The following CELF2 variants were observed in gnomAD, a reference collection of about 807,000 sequenced individuals.
CELF2 encodes the protein CUGBP Elav-like family member 2, also known as CUG triplet repeat RNA-binding protein 2.
A neutral mutation model predicts 62.6 loss-of-function variants in CELF2; 8 were observed. The ratio of observed to expected loss-of-function variants is 0.13; its 90% CI spans 0.07 to 0.23. The LOEUF is 0.23. Among genes scored for constraint, CELF2 ranks in the 10% least tolerant of loss-of-function variants. The pLI, the probability that CELF2 is intolerant of heterozygous loss-of-function variation, is 1.00. For synonymous variants in CELF2, 258 were observed against 250.0 expected (o/e 1.03, Z -0.30); for missense variants, 333 against 671.0 (o/e 0.50, Z 5.56).
chr10:11,002,699 C>G (rs534151619), upstream of CELF2, among the ~76,000 whole-genome samples: 1 of 152,116 alleles, frequency 6.6e-6, no homozygotes, highest in Non-Finnish European at 1.5e-5. The surrounding 1 kb of genome is among the most constrained non-coding windows in gnomAD (Gnocchi z 4.4). Context: ...AAATCAATTG[C>G]TAAATGTGAA....
chr10:10,934,082 C>T lies in CELF2; in HGVS notation c.89+14083C>T, dbSNP rs892524371. Among the ~76,000 whole-genome samples the T allele has an allele frequency of 6.6e-6, 1 of 152,224 alleles. No individual in the cohort carries two copies. Among genetic ancestry groups the T allele is most frequent in the Non-Finnish European group, 1.5e-5 (1 of 68,048 alleles). On this transcript the variant is annotated intron_variant, in intron 2 of 13. Transcript: ENST00000636488. The surrounding 1 kb of genome is among the most constrained non-coding windows in gnomAD (Gnocchi z 4.4). Reference sequence around the variant, plus strand: ...CAAACAGTATACAAGGGTTCCCTTTCTCCAATCAGTGCCAGCGTTTCTTAT... The same window carrying T: ...CAAACAGTATACAAGGGTTCCCTTTTTCCAATCAGTGCCAGCGTTTCTTAT...
At chr10:10,935,071 C>G (rs1054204094) in intron 2 of CELF2, 1 of 152,156 alleles carries the variant, frequency 6.6e-6, no homozygotes, top group African/African-American at 2.4e-5. Context: ...CCATTTTTTC[C>G]TGACATTCAC....
At chr10:10,808,020 A>T (rs761255397) in intron 1 of CELF2, among the ~76,000 whole-genome samples, 8 of 152,216 alleles carry the variant, frequency 5.3e-5, no homozygotes, top group Non-Finnish European at 1.0e-4. Flanking sequence ...AGCTGTTTGC[A>T]TGAGCAGAGT....
At chr10:11,202,182 A>G (rs1361726182) in intron 2 of CELF2, among the ~76,000 whole-genome samples, 1 of 152,226 alleles carries the variant, frequency 6.6e-6, no homozygotes, top group Non-Finnish European at 1.5e-5. Flanking sequence ...TTATCATCTA[A>G]TGACAGCTGT....
chr10:11,311,578 T>C lies in CELF2; in HGVS notation c.977-2561T>C, dbSNP rs2094561968. 1.3e-5 allele frequency among the ~76,000 whole-genome samples: 2 copies of C among 152,220 alleles called. No individual in the cohort carries two copies. The highest frequency in any genetic ancestry group is 4.1e-4 in the South Asian group (2 of 4,830). Reference sequence around the variant, plus strand: ...CAACAGAAAGGAAATACAGCTAATATGTTTACATATTAAAAGAATTTGAAA... The same window carrying C: ...CAACAGAAAGGAAATACAGCTAATACGTTTACATATTAAAAGAATTTGAAA... On this transcript the variant is annotated intron_variant, in intron 9 of 12. Transcript: ENST00000633077. This position sits in a 1 kb window ranked among gnomAD's most constrained non-coding sequence, Gnocchi z 4.7.
chr10:10,894,151 T>A (rs2133964282), intron 1 of CELF2, among the ~76,000 whole-genome samples: 1 of 152,260 alleles, frequency 6.6e-6, no homozygotes, highest in East Asian at 1.9e-4. Flanking sequence ...GATTTTTCAT[T>A]TTGGGCAAAA....
the CELF2 span, among the ~76,000 whole-genome samples, chr10:10,779,804 C>G: frequency 3.3e-5 from 5 of 152,138 alleles, no homozygotes; most frequent in South Asian, 1.0e-3. Context: ...TAAATTTTCC[C>G]TCCATATCTT....
the CELF2 span, among the ~76,000 whole-genome samples, chr10:10,680,995 T>G: frequency 2.0e-5 from 3 of 152,344 alleles, no homozygotes; most frequent in African/African-American, 7.2e-5. Flanking sequence ...ATGTAAATAA[T>G]AATTAGATAT....
rs2055826517 is a variant in CELF2, at chr10:11,008,866, CTTCT to C, written c.53+3429_53+3432del. Among the ~76,000 whole-genome samples, 1 of 152,126 alleles carries C rather than the reference CTTCT, an allele frequency of 6.6e-6. No homozygotes were observed. Among genetic ancestry groups the C allele is most frequent in the Non-Finnish European group, 1.5e-5 (1 of 68,030 alleles). On this transcript the variant is annotated intron_variant, in intron 1 of 12. Coordinates refer to the CELF2 transcript ENST00000416382. The surrounding 1 kb of genome is among the most constrained non-coding windows in gnomAD (Gnocchi z 4.5). ...AATGCAGTTTGTTTTGTGGCATCAT[CTTCT>C]TTGTGGCATTGATCTGTACTTTCTG...
At chr10:10,641,894 C>A in the CELF2 span, among the ~76,000 whole-genome samples, 1 of 152,180 alleles carries the variant, frequency 6.6e-6, no homozygotes, top group East Asian at 1.9e-4. Flanking sequence ...ATTCCCCCTC[C>A]TTTTTCTCAC....
chr10:11,041,526 A>G (rs2061847582), intron 1 of CELF2, among the ~76,000 whole-genome samples: 1 of 152,210 alleles, frequency 6.6e-6, no homozygotes, highest in South Asian at 2.1e-4. Flanking sequence ...ATCTTTTGTA[A>G]TGAGGATGAA....
At chr10:10,583,304 A>G in the CELF2 span, among the ~76,000 whole-genome samples, 2 of 152,068 alleles carry the variant, frequency 1.3e-5, no homozygotes, top group African/African-American at 4.8e-5. Flanking sequence ...CTTTATGTCT[A>G]TGTGTCCTCA....
intron 1 of CELF2, among the ~76,000 whole-genome samples, chr10:11,068,858 CCTCATTATTT>C (rs1406075134): frequency 1.3e-5 from 2 of 152,214 alleles, no homozygotes; most frequent in Non-Finnish European, 2.9e-5. Flanking sequence ...CCGCACCCGG[CCTCATTATTT>C]CTTTTAAGGC....
rs751533051 is a variant in CELF2, at chr10:11,314,213, C to T, written c.1051C>T (p.Leu351=). 3 of 1,614,132 alleles carry T rather than the reference C, an allele frequency of 1.9e-6. No homozygotes were observed. Among genetic ancestry groups the T allele is most frequent in the Non-Finnish European group, 1.7e-6 (2 of 1,179,964 alleles). The change falls in exon 10 of 13, where the codon CTG becomes TTG. Residue 351 remains leucine (L), a synonymous_variant. Coordinates refer to ENST00000633077, the MANE Select transcript of CELF2 (RefSeq NM_001326342.2). This position sits in a 1 kb window ranked among gnomAD's most constrained non-coding sequence, Gnocchi z 5.3. ...SLTSLGTLQG[L]AGATVGLNNI... ...GACCTCTCTCGGGACTCTGCAAGGACTGGCTGGAGCCACTGTTGGACTGAA... is the reference window on the plus strand; with the variant it reads ...GACCTCTCTCGGGACTCTGCAAGGATTGGCTGGAGCCACTGTTGGACTGAA...
In CELF2 at chr10:11,214,618, G is replaced by A. The variant is rs1589196701; in HGVS notation, c.272-2807G>A. On this transcript the variant is annotated intron_variant, in intron 2 of 12. Transcript: ENST00000633077. The surrounding 1 kb of genome is among the most constrained non-coding windows in gnomAD (Gnocchi z 4.2). ...GGCTTCCCTGCCAAACGCGGCGCCT[G>A]TGGAGCTGTGCTGGGGCTCAGCTCT... is the stretch of plus-strand genomic sequence containing the variant. 6.6e-6 allele frequency among the ~76,000 whole-genome samples: 1 copy of A among 152,226 alleles called. No homozygotes were observed. The highest frequency in any genetic ancestry group is 1.5e-5 in the Non-Finnish European group (1 of 68,038).
the CELF2 span, among the ~76,000 whole-genome samples, chr10:10,508,662 G>GTA: frequency 0.27 from 5,771 of 21,250 alleles, 372 homozygotes; most frequent in African/African-American, 0.44. Context: ...TTAAACAGAT[G>GTA]TGTGTGTGTG....
chr10:10,900,718 G>A lies in CELF2; in HGVS notation c.54-19246G>A, dbSNP rs557039638. On this transcript the variant is annotated intron_variant, in intron 1 of 13. Coordinates refer to the CELF2 transcript ENST00000636488. The stretch of plus-strand genomic sequence containing the variant: ...TCTATTGCAGGTTGTAGCCAGCGCG[G>A]TCAGAAAGAATGCAATACAAAAGTA... Among the ~76,000 whole-genome samples the A allele has an allele frequency of 5.2e-4, 79 of 152,194 alleles. 1 individual carries two copies. The highest frequency in any genetic ancestry group is 1.5e-3 in the Admixed American group (23 of 15,282).
chr10:10,621,732 G>T, the CELF2 span, among the ~76,000 whole-genome samples: 3 of 152,090 alleles, frequency 2.0e-5, no homozygotes, highest in Non-Finnish European at 4.4e-5. Context: ...GAAACAAGGA[G>T]ATCTAGAACA....
chr10:10,773,930 G>T, the CELF2 span, among the ~76,000 whole-genome samples: 1 of 152,158 alleles, frequency 6.6e-6, no homozygotes, highest in Non-Finnish European at 1.5e-5. Context: ...GAGTCAATGA[G>T]CGACAGGTTC....
Sources: gnomAD v4.1 joint callset for allele counts (sites outside exome capture counted in the v4.1 genomes callset) on GRCh38, gnomAD v4.1.1 for gene constraint, Gnocchi (gnomAD v3.1) non-coding constraint, MANE v1.5 for transcripts, NCBI Gene and HGNC (gene_info 2026-07-23, HGNC 2026-07-21) for gene names.